The following NPAS1 variants were observed in gnomAD, a reference collection of about 807,000 sequenced individuals.
NPAS1 encodes the protein neuronal PAS domain-containing protein 1.
A neutral mutation model predicts 49.2 loss-of-function variants in NPAS1; 29 were observed. That is an observed-to-expected ratio of 0.59 (90% CI 0.44 to 0.80). The LOEUF (loss-of-function observed/expected upper bound fraction) is 0.80. Among genes scored for constraint, NPAS1 ranks in the 30% least tolerant of loss-of-function variants. NPAS1 has a pLI of 0.00. For missense variants in NPAS1, 825 were observed against 835.5 expected (o/e 0.99, Z 0.15); for synonymous variants, 408 against 380.4 (o/e 1.07, Z -0.84).
chr19:47,041,684 A>T (rs1034737167), intron 10 of NPAS1, among the ~76,000 whole-genome samples: 1 of 152,120 alleles, frequency 6.6e-6, no homozygotes, highest in Non-Finnish European at 1.5e-5. Flanking sequence ...TTTTAGAAAG[A>T]CTGCTCTAGA....
rs1434885397 is a variant in NPAS1 at position 47,024,012 on chromosome 19, G to A, written c.358+2165G>A. On this transcript the variant is annotated intron_variant, in intron 3 of 11. Transcript: ENST00000602212. ...CCCAGCTACTCCGGAGGCTAAGGCA[G>A]GGGAATCACTTGAACCCAGGAGGCG... is the stretch of plus-strand genomic sequence containing the variant. Among the ~76,000 whole-genome samples, 7 of 152,144 alleles carry A rather than the reference G, an allele frequency of 4.6e-5. No homozygotes were observed. The East Asian group carries it at 1.2e-3, about 25-fold the overall frequency.
At chr19:47,042,773 G>T (rs752013760) in intron 10 of NPAS1, 37 bp from the exon 11 acceptor site, 2 of 1,556,908 alleles carry the variant, frequency 1.3e-6, no homozygotes, top group South Asian at 2.4e-5. Context: ...AGAGGCCAAG[G>T]ACCCCTGGCT....
chr19:47,032,332 T>TGGGA lies in NPAS1; in HGVS notation c.416_419dup (p.His141ArgfsTer158). 1 of 1,614,050 alleles carries TGGGA rather than the reference T, an allele frequency of 6.2e-7. No homozygotes were observed. Among genetic ancestry groups the TGGGA allele is most frequent in the Non-Finnish European group, 8.5e-7 (1 of 1,179,996 alleles). ...GTCTCCGAAGTCTTCGAGCAGCACC[T>TGGGA]GGGAGGTCACATCTTGCAGGTGAGT... On this transcript the variant is annotated frameshift_variant, in exon 4 of 12. Coordinates refer to ENST00000602212, the MANE Select transcript of NPAS1 (RefSeq NM_002517.4). LOFTEE classifies it high-confidence loss of function.
intron 6 of NPAS1, among the ~76,000 whole-genome samples, chr19:47,038,732 CAGA>C (rs2122527707): frequency 6.6e-6 from 1 of 152,160 alleles, no homozygotes; most frequent in South Asian, 2.1e-4. Context: ...GAGGCTGAGG[CAGA>C]AGAATCACTT....
Position 47,028,281 on chromosome 19 carries a change from G to A in NPAS1, c.359-3997G>A, listed in dbSNP as rs542765823. ...TCCGAGCTGTATCTTGAGGGAGGGG[G>A]TCCCCGTCAACCCCCCAGCCCCCCA... On this transcript the variant is annotated intron_variant, in intron 3 of 11. Transcript: ENST00000602212. Among the ~76,000 whole-genome samples, 3 of 152,162 alleles carry A rather than the reference G, an allele frequency of 2.0e-5. No individual in the cohort carries two copies. The South Asian group carries it at 6.2e-4, about 32-fold the overall frequency.
rs869125845 is a variant in NPAS1, at chr19:47,037,338, C to CAAAA, written c.688+1236_688+1239dup. Among the ~76,000 whole-genome samples, 202 of 51,782 alleles carry CAAAA rather than the reference C, an allele frequency of 3.9e-3. 15 individuals carry two copies. The highest frequency in any genetic ancestry group is 0.013 in the African/African-American group (161 of 12,160). The allele number at this position is 51,782 out of a possible 152,430, so 34.0% of individuals were successfully genotyped here. A position where few individuals can be genotyped will look rare whatever the true frequency, so the allele number is the denominator to read the frequency against. On this transcript the variant is annotated intron_variant, in intron 6 of 11. Coordinates refer to ENST00000602212, the MANE Select transcript of NPAS1 (RefSeq NM_002517.4). ...TGCACTCTGAGTGAGACTCCGTCTC[C>CAAAA]AAAAAAAAAAAAAAAAAAAAAAAAA... is the stretch of plus-strand genomic sequence containing the variant.
intron 3 of NPAS1, among the ~76,000 whole-genome samples, chr19:47,025,482 T>C (rs1162335056): frequency 6.6e-6 from 1 of 151,316 alleles, no homozygotes; most frequent in Non-Finnish European, 1.5e-5. Context: ...TTCTCCATGT[T>C]GGTCAGGCTG....
chr19:47,043,276 C>T (rs1432057778), intron 11 of NPAS1, among the ~76,000 whole-genome samples: 3 of 5,168 alleles, frequency 5.8e-4, no homozygotes, highest in Admixed American at 2.4e-3. Context: ...GAGACTCTGT[C>T]TCAAAAAAAA....
At chr19:47,043,346 T>C (rs2122558927) in intron 11 of NPAS1, among the ~76,000 whole-genome samples, 1 of 149,736 alleles carries the variant, frequency 6.7e-6, no homozygotes. Context: ...TCCCAGTACT[T>C]TGGGAGGCCG....
chr19:47,043,332 G>A (rs111340362), intron 11 of NPAS1, among the ~76,000 whole-genome samples: 2,525 of 148,126 alleles, frequency 0.017, 57 homozygotes, highest in African/African-American at 0.061. Flanking sequence ...ACTCAAGCCT[G>A]TAATCCCAGT....
At chr19:47,042,010 A>G (rs1334489508) in intron 10 of NPAS1, among the ~76,000 whole-genome samples, 2 of 82,232 alleles carry the variant, frequency 2.4e-5, no homozygotes, top group Non-Finnish European at 2.2e-5. Flanking sequence ...AAAAAAAAGG[A>G]AAAAACACCC....
rs1170715547 is a variant in NPAS1, at chr19:47,043,278, CAAAA to C, written c.1312+390_1312+393del. 2.8e-3 allele frequency among the ~76,000 whole-genome samples: 164 copies of C among 58,600 alleles called. 1 individual carries two copies. Among genetic ancestry groups the C allele is most frequent in the Non-Finnish European group, 4.2e-3 (138 of 32,744 alleles). 38.4% of individuals were successfully genotyped at this position (58,600 alleles called of 152,430 possible). On this transcript the variant is annotated intron_variant, in intron 11 of 11. Transcript: ENST00000602212. ...CTAGCGACAGAGCGAGACTCTGTCT[CAAAA>C]AAAAAAAAAAAAAAATTTAAATCCA...
At chr19:47,031,690 C>G (rs1243918291) in intron 3 of NPAS1, among the ~76,000 whole-genome samples, 1 of 151,700 alleles carries the variant, frequency 6.6e-6, no homozygotes, top group Non-Finnish European at 1.5e-5. Context: ...ACCTCCACAC[C>G]CGGCTAATTT....
chr19:47,025,775 A>G (rs1195987538), intron 3 of NPAS1, among the ~76,000 whole-genome samples: 1 of 150,942 alleles, frequency 6.6e-6, no homozygotes, highest in Non-Finnish European at 1.5e-5. Flanking sequence ...AGGTCTCACC[A>G]TGTTGCCCAG....
chr19:47,020,918 T>A, intron 1 of NPAS1, 88 bp from the exon 2 acceptor site: 4 of 243,074 alleles, frequency 1.6e-5, no homozygotes, highest in Non-Finnish European at 3.0e-5. Flanking sequence ...AGCTCCTTGC[T>A]GGGACCCTGA....
intron 3 of NPAS1, among the ~76,000 whole-genome samples, chr19:47,028,084 C>G (rs1471258864): frequency 6.6e-6 from 1 of 151,922 alleles, no homozygotes; most frequent in African/African-American, 2.4e-5. Context: ...CCCAAGCCCC[C>G]CCACCACCAC....
chr19:47,039,552 C>G lies in NPAS1; in HGVS notation c.950C>G (p.Ala317Gly), dbSNP rs768922083. 6.4e-7 allele frequency: 1 copy of G among 1,573,950 alleles called. No homozygotes were observed. The highest frequency in any genetic ancestry group is 8.6e-7 in the Non-Finnish European group (1 of 1,156,774). Residue 317 changes from alanine (A) to glycine (G), a missense_variant, in exon 8 of 12, where the codon GCT (alanine) becomes GGT (glycine). Ala to Gly is a moderately conservative substitution (Grantham distance 60). Coordinates refer to ENST00000602212, the MANE Select transcript of NPAS1 (RefSeq NM_002517.4). ...CTCAGCCTGGGTCTCACCATCCTTG[C>G]TTGTGAGAGCAGGTACCGGGGTTGG... ...FRLSLGLTIL[A>G]CESRVSDHMD...
rs536051112 is a variant in NPAS1, at chr19:47,019,844, T to A, written c.-196T>A. On this transcript the variant is annotated 5_prime_UTR_variant, in exon 1 of 12. Transcript: ENST00000602212. ...CGTCTCCAAGTCTGCGAGGCCGAGG[T>A]GGGCGCCGAGAGCTGGGCGCCACAG... The A allele has an allele frequency of 9.9e-6, 3 of 301,656 alleles. No homozygotes were observed. The highest frequency in any genetic ancestry group is 2.9e-4 in the South Asian group (2 of 6,972). The allele number at this position is 301,656 out of a possible 1,614,324, so 18.7% of individuals were successfully genotyped here. A position where few individuals can be genotyped will look rare whatever the true frequency, so the allele number is the denominator to read the frequency against.
intron 3 of NPAS1, 67 bp from the exon 4 acceptor site, chr19:47,032,211 C>A: frequency 6.9e-7 from 1 of 1,448,242 alleles, no homozygotes; most frequent in Non-Finnish European, 9.6e-7. Context: ...TGTAGACTGG[C>A]TCCCGGGGGA....
Sources: allele counts gnomAD v4.1 joint callset (sites outside exome capture counted in the v4.1 genomes callset), GRCh38; gene constraint gnomAD v4.1.1; transcripts MANE v1.5; gene names NCBI Gene and HGNC (gene_info 2026-07-23, HGNC 2026-07-21).